The following WDR49 variants were observed in gnomAD, a reference collection of about 807,000 sequenced individuals.
The protein encoded by WDR49 is WD repeat domain 49.
Under a neutral mutation model 119.5 loss-of-function variants are expected in WDR49, and 107 were observed. That is an observed-to-expected ratio of 0.90 (90% CI 0.77 to 1.05). WDR49 has a LOEUF of 1.05. Among genes scored for constraint, WDR49 ranks in the 50% least tolerant of loss-of-function variants. WDR49 has a pLI of 0.00. For missense variants in WDR49, 1,240 were observed against 1,220.5 expected, an observed-to-expected ratio of 1.02 and a Z score of -0.24; for synonymous variants, 425 against 418.8, an observed-to-expected ratio of 1.01 and a Z score of -0.18.
At position 167,626,945 on chromosome 3, in the gene WDR49, T is replaced by C; in HGVS notation, c.513A>G (p.Leu171=). The part of the protein sequence containing the change: ...EGLLAIWGEH[L]KLQETFPITS... The stretch of plus-strand genomic sequence containing the variant: ...TGATGGGGAATGTTTCTTGCAGCTT[T>C]AAATGCTCTCCCCAGATTGCCAATA... The change falls in exon 3 of 19, where the codon TTA becomes TTG. Residue 171 remains leucine (L), a synonymous_variant. Coordinates refer to ENST00000682715, the MANE Select transcript of WDR49 (RefSeq NM_001366157.1). 4 of 1,320,918 alleles carry C rather than the reference T, an allele frequency of 3.0e-6. No homozygotes were observed. The highest frequency in any genetic ancestry group is 2.9e-6 in the Non-Finnish European group (3 of 1,036,276). The allele number at this position is 1,320,918 out of a possible 1,614,324, so 81.8% of individuals were successfully genotyped here.
At chr3:167,538,231 T>G (rs4117792) in intron 10 of WDR49, among the ~76,000 whole-genome samples, 1 of 151,768 alleles carries the variant, frequency 6.6e-6, no homozygotes, top group Admixed American at 6.6e-5. Flanking sequence ...TTGACAGTTC[T>G]GTATAATGCT....
rs149358208 is a variant in WDR49, at chr3:167,565,396, C to A, written c.1510-5168G>T. ...ATATCTATCTACACACACACACACA[C>A]ACACACACACACACACTTATATGTA... On this transcript the variant is annotated intron_variant, in intron 8 of 18. Coordinates refer to ENST00000682715, the MANE Select transcript of WDR49 (RefSeq NM_001366157.1). Among the ~76,000 whole-genome samples the A allele has an allele frequency of 9.3e-3, 1,299 of 140,092 alleles. 8 individuals are homozygous for A. Among genetic ancestry groups the A allele is most frequent in the Middle Eastern group, 0.032 (9 of 282 alleles). 91.9% of individuals were successfully genotyped at this position (140,092 alleles called of 152,430 possible).
intron 10 of WDR49, among the ~76,000 whole-genome samples, chr3:167,548,599 T>C (rs1389230692): frequency 1.3e-5 from 2 of 152,138 alleles, no homozygotes; most frequent in South Asian, 4.1e-4. Context: ...ACTATAAAAA[T>C]GTTAATTGAG....
chr3:167,635,165 T>C (rs1717553344), intron 2 of WDR49, among the ~76,000 whole-genome samples: 1 of 151,802 alleles, frequency 6.6e-6, no homozygotes, highest in South Asian at 2.1e-4. Context: ...TGCTAAGCTG[T>C]CCAATTATTT....
chr3:167,587,411 T>C (rs1419449903), intron 7 of WDR49, among the ~76,000 whole-genome samples: 1 of 152,220 alleles, frequency 6.6e-6, no homozygotes, highest in Non-Finnish European at 1.5e-5. Context: ...CATATAACTA[T>C]TGAATAAGCA....
At chr3:167,505,123 C>T (rs1751715285) in intron 17 of WDR49, among the ~76,000 whole-genome samples, 184 bp downstream of exon 17, 1 of 152,116 alleles carries the variant, frequency 6.6e-6, no homozygotes, top group Non-Finnish European at 1.5e-5. Context: ...TTCTGTGGAG[C>T]CTTGGACAGG....
Position 167,602,134 on chromosome 3 carries a change from T to C in WDR49, c.1268A>G (p.Lys423Arg). ...AAGCACAATGTTACTTACTTTATCC[T>C]TGGAGAAGCTGAAAAGTTGTTTTCT... is the stretch of plus-strand genomic sequence containing the variant. ...VERKQLFSFS[K>R]DKVLRLWDIQ... The change falls in exon 7 of 19, where the codon AAG becomes AGG. Residue 423 changes from lysine (K) to arginine (R), a missense_variant. By Grantham distance (26) the Lys-to-Arg change is conservative (BLOSUM62 2). Transcript: ENST00000682715. 1 of 1,596,410 alleles carries C rather than the reference T, an allele frequency of 6.3e-7. No homozygotes were observed. Among genetic ancestry groups the C allele is most frequent in the Non-Finnish European group, 8.6e-7 (1 of 1,167,442 alleles).
At chr3:167,497,468 T>G (rs12486395) in intron 18 of WDR49, among the ~76,000 whole-genome samples, 17,375 of 152,154 alleles carry the variant, frequency 0.11, 1,079 homozygotes, top group African/African-American at 0.16. Context: ...TAGAGTCTTT[T>G]AGGTATTTTG....
intron 7 of WDR49, among the ~76,000 whole-genome samples, chr3:167,597,955 A>G (rs902186743): frequency 5.9e-5 from 9 of 152,122 alleles, no homozygotes; most frequent in African/African-American, 2.2e-4. Flanking sequence ...TTGGGTTAAT[A>G]TTGGAATGAG....
upstream of WDR49, among the ~76,000 whole-genome samples, chr3:167,654,974 G>T (rs542154707): frequency 2.0e-5 from 3 of 152,068 alleles, no homozygotes; most frequent in African/African-American, 7.2e-5. Flanking sequence ...GAACAGAATG[G>T]CTCCCAAACT....
intron 3 of WDR49, among the ~76,000 whole-genome samples, chr3:167,624,551 T>C (rs1415347910): frequency 1.3e-5 from 2 of 152,052 alleles, no homozygotes; most frequent in African/African-American, 4.8e-5. Flanking sequence ...CTTTTGATTT[T>C]TCACAGGTCA....
rs777337754 is a variant in WDR49, at chr3:167,522,423, TC to T, written c.2665del (p.Glu889LysfsTer18). 1 of 1,611,822 alleles carries T rather than the reference TC, an allele frequency of 6.2e-7. No individual in the cohort carries two copies. The highest frequency in any genetic ancestry group is 2.2e-5 in the East Asian group (1 of 44,746). ...AGAAATTTCCTTTTGAATCTCACTTTCCACTAAATTAGTATCTCTTTTAGGA... is the reference window on the plus strand; with the variant it reads ...AGAAATTTCCTTTTGAATCTCACTTTCACTAAATTAGTATCTCTTTTAGGA... Reference protein sequence around the residue: ...FLPKRDTNLVESEIQKEISLF... With the variant: ...FLPKRDTNLVXSEIQKEISLF... On this transcript the variant is annotated frameshift_variant, in exon 16 of 19. Coordinates refer to ENST00000682715, the MANE Select transcript of WDR49 (RefSeq NM_001366157.1). LOFTEE classifies it high-confidence loss of function.
At chr3:167,545,645 A>G (rs1263475912) in intron 10 of WDR49, among the ~76,000 whole-genome samples, 1 of 150,220 alleles carries the variant, frequency 6.7e-6, no homozygotes, top group African/African-American at 2.4e-5. Context: ...TCTCACTTAT[A>G]AGTGGAAGCT....
intron 2 of WDR49, chr3:167,633,313 T>C: frequency 2.7e-6 from 1 of 376,500 alleles, no homozygotes; most frequent in Non-Finnish European, 5.2e-6. Flanking sequence ...GTTTTTGTCT[T>C]AAAAAGAAAC....
At chr3:167,549,400 T>G (rs1712409521) in intron 10 of WDR49, among the ~76,000 whole-genome samples, 1 of 152,322 alleles carries the variant, frequency 6.6e-6, no homozygotes, top group African/African-American at 2.4e-5. Flanking sequence ...TGGTGTGAGA[T>G]GGTATCTCAT....
At chr3:167,637,733 T>C (rs1301393220) in intron 2 of WDR49, among the ~76,000 whole-genome samples, 1 of 151,792 alleles carries the variant, frequency 6.6e-6, no homozygotes, top group Non-Finnish European at 1.5e-5. Context: ...GGTATGTTCC[T>C]AAGTATTTTA....
chr3:167,612,852 A>C (rs1289080053), intron 5 of WDR49, among the ~76,000 whole-genome samples: 1 of 152,228 alleles, frequency 6.6e-6, no homozygotes, highest in Non-Finnish European at 1.5e-5. Flanking sequence ...AAGTATCAAA[A>C]CAATTGAACT....
intron 2 of WDR49, among the ~76,000 whole-genome samples, chr3:167,644,404 C>T (rs1168978190): frequency 6.6e-6 from 1 of 152,000 alleles, no homozygotes; most frequent in Non-Finnish European, 1.5e-5. Flanking sequence ...TTTCTATAAC[C>T]TCTACACCAC....
chr3:167,517,418 A>G (rs759905074), intron 16 of WDR49, among the ~76,000 whole-genome samples: 27 of 152,100 alleles, frequency 1.8e-4, no homozygotes, highest in Non-Finnish European at 3.4e-4. Context: ...CAAGCAATGA[A>G]GAAAGGATTC....
Sources: gnomAD v4.1 joint callset for allele counts (sites outside exome capture counted in the v4.1 genomes callset) on GRCh38, gnomAD v4.1.1 for gene constraint, MANE v1.5 for transcripts, NCBI Gene and HGNC (gene_info 2026-07-23, HGNC 2026-07-21) for gene names.